The following DLG2 variants were observed in gnomAD, a reference collection of about 807,000 sequenced individuals.
DLG2 encodes discs large MAGUK scaffold protein 2, also known as disks large homolog 2.
DLG2 carries 45 observed loss-of-function variants against 132.5 expected under a neutral mutation model. The ratio of observed to expected loss-of-function variants is 0.34; its 90% CI spans 0.27 to 0.44. DLG2 has a LOEUF of 0.44. DLG2 is among the 20% of genes least tolerant of loss of function. The probability of loss-of-function intolerance (pLI) is 1.00; values close to 1 mark genes in which losing one functional copy is unlikely to be tolerated. For synonymous variants in DLG2, 424 were observed against 419.6 expected, an observed-to-expected ratio of 1.01 and a Z score of -0.13; for missense variants, 1,045 against 1,196.9, an observed-to-expected ratio of 0.87 and a Z score of 1.87.
intron 7 of DLG2, among the ~76,000 whole-genome samples, chr11:84,332,571 C>T (rs1446098220): frequency 7.6e-6 from 1 of 132,360 alleles, no homozygotes; most frequent in African/African-American, 3.0e-5. Flanking sequence ...AGTGCAGTGG[C>T]ACAATCTCGG....
chr11:83,946,725 A>G (rs2084056153), intron 14 of DLG2, among the ~76,000 whole-genome samples: 1 of 152,194 alleles, frequency 6.6e-6, no homozygotes, highest in Non-Finnish European at 1.5e-5. Context: ...TCATTATTTC[A>G]CTGGCGAATA....
intron 7 of DLG2, among the ~76,000 whole-genome samples, chr11:84,402,309 G>C (rs972475032): frequency 5.3e-5 from 8 of 152,100 alleles, no homozygotes; most frequent in Non-Finnish European, 1.2e-4. Context: ...ACCACAGTGA[G>C]GGCAGTTATT....
rs535085945 is a variant in DLG2, at chr11:84,732,389, A to G, written c.358-197658T>C. 6.2e-4 allele frequency among the ~76,000 whole-genome samples: 94 copies of G among 152,130 alleles called. 1 individual carries two copies. The highest frequency in any genetic ancestry group is 2.2e-3 in the African/African-American group (93 of 41,530). On this transcript the variant is annotated intron_variant, in intron 6 of 27. Transcript: ENST00000376104. ...CATTTTACATTCCCACCAGCAATGTATGAGAATTCTAGATCCTTCACATCT... is the reference window on the plus strand; with the variant it reads ...CATTTTACATTCCCACCAGCAATGTGTGAGAATTCTAGATCCTTCACATCT...
intron 6 of DLG2, among the ~76,000 whole-genome samples, chr11:84,656,343 A>T (rs1338881307): frequency 1.3e-5 from 2 of 152,174 alleles, no homozygotes; most frequent in African/African-American, 2.4e-5. Context: ...CATGGAAACA[A>T]AAATCACCAT....
chr11:84,475,503 C>T (rs2099119294), intron 7 of DLG2, among the ~76,000 whole-genome samples: 1 of 152,060 alleles, frequency 6.6e-6, no homozygotes, highest in Non-Finnish European at 1.5e-5. Flanking sequence ...TTTTCTGGCA[C>T]TTGTTCAAAT....
At chr11:84,907,919 C>G (rs2091695524) in intron 6 of DLG2, among the ~76,000 whole-genome samples, 1 of 152,170 alleles carries the variant, frequency 6.6e-6, no homozygotes, top group Admixed American at 6.5e-5. Flanking sequence ...TCAAAGTTCC[C>G]TTTTAAATCT....
At chr11:83,879,011 T>C (rs1669166774) in intron 15 of DLG2, among the ~76,000 whole-genome samples, 1 of 152,200 alleles carries the variant, frequency 6.6e-6, no homozygotes, top group South Asian at 2.1e-4. Context: ...TCTGATTTTT[T>C]CCAAGTAAAA....
At chr11:84,234,993 G>A (rs1036415213) in intron 8 of DLG2, among the ~76,000 whole-genome samples, 5 of 152,088 alleles carry the variant, frequency 3.3e-5, no homozygotes, top group African/African-American at 7.2e-5. Context: ...TCTATTATTC[G>A]CTGTGAAGCC....
rs999141307 is a variant in DLG2 at position 85,573,073 on chromosome 11, G to A, written c.40+25584C>T. On this transcript the variant is annotated intron_variant, in intron 3 of 27. Coordinates refer to ENST00000376104, the MANE Select transcript of DLG2 (RefSeq NM_001142699.3). The stretch of plus-strand genomic sequence containing the variant: ...TACACTCTCTCTTGATCCTGCTTTC[G>A]CCATGTGACATGCCTGGTCCCATTT... Among the ~76,000 whole-genome samples, 11 of 152,082 alleles carry A rather than the reference G, an allele frequency of 7.2e-5. No individual in the cohort carries two copies. In the East Asian group the frequency reaches 9.6e-4, roughly 13 times the overall value.
intron 6 of DLG2, among the ~76,000 whole-genome samples, chr11:84,835,257 G>T (rs2079589745): frequency 6.6e-6 from 1 of 151,528 alleles, no homozygotes; most frequent in African/African-American, 2.4e-5. Flanking sequence ...CTAATATATA[G>T]ATAACATGCA....
At chr11:85,068,094 T>G (rs1483181903) in intron 6 of DLG2, among the ~76,000 whole-genome samples, 2 of 152,076 alleles carry the variant, frequency 1.3e-5, no homozygotes, top group Non-Finnish European at 2.9e-5. Flanking sequence ...TTTGACAAAA[T>G]TCAACAGCCC....
intron 18 of DLG2, among the ~76,000 whole-genome samples, chr11:83,742,252 T>G (rs1253190742): frequency 1.4e-5 from 2 of 143,978 alleles, no homozygotes; most frequent in African/African-American, 2.7e-5. Flanking sequence ...CAGACGTAAC[T>G]GTTAGATGAT....
chr11:83,876,290 G>C (rs1046502492), intron 15 of DLG2, among the ~76,000 whole-genome samples: 6 of 152,132 alleles, frequency 3.9e-5, no homozygotes, highest in Non-Finnish European at 1.5e-5. Flanking sequence ...TTATGATTTA[G>C]CAGAGCGTGT....
rs181350440 is a variant in DLG2, at chr11:85,349,981, C to T, written c.41-64616G>A. On this transcript the variant is annotated intron_variant, in intron 3 of 27. Coordinates refer to ENST00000376104, the MANE Select transcript of DLG2 (RefSeq NM_001142699.3). ...TTCTAGTTCTAGATCTTTGAGGAAT[C>T]GCCACACTGTCATCCACAATAGTTG... Among the ~76,000 whole-genome samples the T allele has an allele frequency of 1.6e-4, 25 of 152,274 alleles. 1 individual carries two copies. Among genetic ancestry groups the T allele is most frequent in the East Asian group, 7.7e-4 (4 of 5,182 alleles).
At chr11:84,142,420 T>C (rs931458876) in intron 9 of DLG2, among the ~76,000 whole-genome samples, 5 of 151,910 alleles carry the variant, frequency 3.3e-5, no homozygotes, top group Non-Finnish European at 5.9e-5. Context: ...AAAATCCAGG[T>C]TGTGATTACA....
intron 10 of DLG2, among the ~76,000 whole-genome samples, chr11:84,067,558 A>AC (rs2096697254): frequency 1.7e-4 from 2 of 12,000 alleles, no homozygotes; most frequent in Non-Finnish European, 1.7e-3. Flanking sequence ...ACCCCCCACC[A>AC]CACACACACA....
At chr11:84,158,047 C>A (rs2095467770) in intron 9 of DLG2, among the ~76,000 whole-genome samples, 1 of 151,182 alleles carries the variant, frequency 6.6e-6, no homozygotes, top group Non-Finnish European at 1.5e-5. Flanking sequence ...GTGATAAATT[C>A]TCTATTTGTG....
intron 9 of DLG2, among the ~76,000 whole-genome samples, chr11:84,150,158 C>A (rs1250164797): frequency 6.6e-6 from 1 of 152,112 alleles, no homozygotes; most frequent in African/African-American, 2.4e-5. Flanking sequence ...TCAGTATGGC[C>A]ATTTCAACGG....
intron 3 of DLG2, among the ~76,000 whole-genome samples, chr11:85,593,623 C>A (rs1479887351): frequency 1.3e-5 from 2 of 152,268 alleles, no homozygotes; most frequent in African/African-American, 4.8e-5. Context: ...CAAATTCACA[C>A]AACTGTAGGG....
Sources: allele counts gnomAD v4.1 joint callset (sites outside exome capture counted in the v4.1 genomes callset), GRCh38; gene constraint gnomAD v4.1.1; transcripts MANE v1.5; gene names NCBI Gene and HGNC (gene_info 2026-07-23, HGNC 2026-07-21).